SFMBT2: variants seen among roughly 807,000 people sequenced by gnomAD.
The protein encoded by SFMBT2 is scm-like with four MBT domains protein 2.
Under a neutral mutation model 110.1 loss-of-function variants are expected in SFMBT2, and 38 were observed. The ratio of observed to expected loss-of-function variants is 0.35; its 90% CI spans 0.27 to 0.45. The LOEUF (loss-of-function observed/expected upper bound fraction) is 0.45. Among genes scored for constraint, SFMBT2 ranks in the 20% least tolerant of loss-of-function variants. SFMBT2 has a pLI of 1.00. For synonymous variants in SFMBT2, 425 were observed against 425.4 expected, an observed-to-expected ratio of 1.00 and a Z score of 0.01; for missense variants, 1,011 against 1,094.9, an observed-to-expected ratio of 0.92 and a Z score of 1.08.
intron 9 of SFMBT2, among the ~76,000 whole-genome samples, chr10:7,239,228 T>C (rs1339418044): frequency 1.3e-5 from 2 of 152,254 alleles, no homozygotes; most frequent in East Asian, 1.9e-4. Flanking sequence ...GCAGCATCCA[T>C]GTTCTTAACA....
intron 16 of SFMBT2, among the ~76,000 whole-genome samples, chr10:7,181,870 C>T (rs1448316521): frequency 1.3e-5 from 2 of 152,172 alleles, no homozygotes; most frequent in East Asian, 1.9e-4. Flanking sequence ...AGTTTACCAA[C>T]TGGCTGGGAA....
At position 7,163,363 on chromosome 10, in the gene SFMBT2, C is replaced by T. The variant is rs1386257655; in HGVS notation, c.*407G>A. On this transcript the variant is annotated 3_prime_UTR_variant, in exon 21 of 21. Transcript: ENST00000397167. This position sits in a 1 kb window ranked among gnomAD's most constrained non-coding sequence, Gnocchi z 4.8. ...GGGAAACTGCATATATAAATGTGCT[C>T]GTGTGATTACAGGAAACACTACAGC... The T allele has an allele frequency of 3.0e-5, 5 of 167,234 alleles. No homozygotes were observed. The highest frequency in any genetic ancestry group is 3.6e-4 in the East Asian group (2 of 5,484). The allele number at this position is 167,234 out of a possible 1,614,324, so 10.4% of individuals were successfully genotyped here. A position where few individuals can be genotyped will look rare whatever the true frequency, so the allele number is the denominator to read the frequency against.
chr10:7,372,613 G>T (rs142724166), intron 2 of SFMBT2, among the ~76,000 whole-genome samples: 212 of 152,324 alleles, frequency 1.4e-3, no homozygotes, highest in African/African-American at 5.0e-3. Flanking sequence ...CAGACACAGC[G>T]AAGTGAACTA....
In SFMBT2 at chr10:7,171,635, CTGA is replaced by C. The variant is rs1837874058; in HGVS notation, c.2415+257_2415+259del. The C allele has an allele frequency of 1.1e-6, 1 of 934,036 alleles. No individual in the cohort carries two copies. The highest frequency in any genetic ancestry group is 1.8e-5 in the African/African-American group (1 of 56,170). 57.9% of individuals were successfully genotyped at this position (934,036 alleles called of 1,614,324 possible). A position where few individuals can be genotyped will look rare whatever the true frequency, so the allele number is the denominator to read the frequency against. On this transcript the variant is annotated intron_variant, in intron 19 of 20. Coordinates refer to ENST00000397167, the MANE Select transcript of SFMBT2 (RefSeq NM_001387889.1). This position sits in a 1 kb window ranked among gnomAD's most constrained non-coding sequence, Gnocchi z 4.9. ...GGAAACTGAGGACTGTGCCCTCCTC[CTGA>C]CAAGAACCCAGGTGGCACTAAAGCC...
At chr10:7,342,485 T>C (rs11595521) in intron 4 of SFMBT2, among the ~76,000 whole-genome samples, 6,590 of 135,880 alleles carry the variant, frequency 0.048, 196 homozygotes, top group Non-Finnish European at 0.073. Flanking sequence ...CTCGGCTCAC[T>C]GCAAACTCCG....
At chr10:7,403,196 A>G (rs1846126222) in intron 1 of SFMBT2, among the ~76,000 whole-genome samples, 1 of 152,168 alleles carries the variant, frequency 6.6e-6, no homozygotes, top group African/African-American at 2.4e-5. Flanking sequence ...AAAGAGAACA[A>G]TCTAGTCTTA....
chr10:7,237,989 C>T (rs1840309886), intron 9 of SFMBT2, among the ~76,000 whole-genome samples: 1 of 152,132 alleles, frequency 6.6e-6, no homozygotes, highest in South Asian at 2.1e-4. Flanking sequence ...CTGGGACAGA[C>T]TGAGTGGGGA....
chr10:7,171,771 C>T lies in SFMBT2; in HGVS notation c.2415+124G>A, dbSNP rs775719369. 7.2e-6 allele frequency: 8 copies of T among 1,115,356 alleles called. No individual in the cohort carries two copies. Among genetic ancestry groups the T allele is most frequent in the Non-Finnish European group, 9.4e-6 (8 of 853,272 alleles). The allele number at this position is 1,115,356 out of a possible 1,614,324, so 69.1% of individuals were successfully genotyped here. A position where few individuals can be genotyped will look rare whatever the true frequency, so the allele number is the denominator to read the frequency against. ...CCTTTGTTCCTGACTTGGGAACTAGCTAGAGCAGCTGCTGCTGTTGGAGGT... is the reference window on the plus strand; with the variant it reads ...CCTTTGTTCCTGACTTGGGAACTAGTTAGAGCAGCTGCTGCTGTTGGAGGT... On this transcript the variant is annotated intron_variant, in intron 19 of 20. Coordinates refer to ENST00000397167, the MANE Select transcript of SFMBT2 (RefSeq NM_001387889.1). The surrounding 1 kb of genome is among the most constrained non-coding windows in gnomAD (Gnocchi z 4.9).
At chr10:7,294,788 T>C (rs1170535331) in intron 4 of SFMBT2, among the ~76,000 whole-genome samples, 1 of 152,198 alleles carries the variant, frequency 6.6e-6, no homozygotes, top group Non-Finnish European at 1.5e-5. Context: ...GGGAGCATTT[T>C]ATATAATCAG....
chr10:7,218,727 C>G (rs1366869705), intron 11 of SFMBT2, among the ~76,000 whole-genome samples: 1 of 152,192 alleles, frequency 6.6e-6, no homozygotes, highest in African/African-American at 2.4e-5. Context: ...GAAGAAAATA[C>G]TGCCCAAAAT....
intron 16 of SFMBT2, among the ~76,000 whole-genome samples, chr10:7,186,208 G>T (rs1022232342): frequency 6.6e-6 from 1 of 151,808 alleles, no homozygotes; most frequent in Non-Finnish European, 1.5e-5. Context: ...TCAAGTAAAT[G>T]GGTCTTTACT....
intron 4 of SFMBT2, among the ~76,000 whole-genome samples, chr10:7,354,815 G>A (rs1415125785): frequency 2.0e-5 from 3 of 152,130 alleles, no homozygotes; most frequent in Non-Finnish European, 4.4e-5. Flanking sequence ...CAAAAAGTCT[G>A]GAAAAGCACT....
chr10:7,244,575 C>G (rs936701275), intron 8 of SFMBT2, among the ~76,000 whole-genome samples: 6 of 152,024 alleles, frequency 3.9e-5, no homozygotes, highest in Non-Finnish European at 8.8e-5. Context: ...CAAGACATGC[C>G]GATAAACAAA....
chr10:7,300,664 T>C (rs979803434), intron 4 of SFMBT2, among the ~76,000 whole-genome samples: 4 of 152,234 alleles, frequency 2.6e-5, no homozygotes, highest in Non-Finnish European at 4.4e-5. Flanking sequence ...TCTGTGAGGA[T>C]GGAAAAGCAT....
rs1554798776 is a variant in SFMBT2 at position 7,287,718 on chromosome 10, G to GTGCA, written c.437-1765_437-1764insTGCA. 2.7e-3 allele frequency among the ~76,000 whole-genome samples: 413 copies of GTGCA among 152,318 alleles called. 2 individuals carry two copies. The highest frequency in any genetic ancestry group is 9.5e-3 in the African/African-American group (394 of 41,560). On this transcript the variant is annotated intron_variant, in intron 4 of 20. Coordinates refer to ENST00000397167, the MANE Select transcript of SFMBT2 (RefSeq NM_001387889.1). Reference sequence around the variant, plus strand: ...CCCAAGTAGTTTGTGCATTGTTTAGGTTCTTCAAAGGCTTGATGCAACCCT... The same window carrying GTGCA: ...CCCAAGTAGTTTGTGCATTGTTTAGGTGCATTCTTCAAAGGCTTGATGCAACCCT...
At chr10:7,368,631 AT>A (rs1295268628) in intron 3 of SFMBT2, among the ~76,000 whole-genome samples, 1 of 152,210 alleles carries the variant, frequency 6.6e-6, no homozygotes, top group African/African-American at 2.4e-5. Flanking sequence ...AGGTGGAAGG[AT>A]TGACTGAATC....
rs143697595 is a variant in SFMBT2, at chr10:7,324,843, G to A, written c.437-38889C>T. ...TTGTGTGCTCAGGCAGAGAAGGGAG[G>A]CGGAGGGAGAGTGCATAAGCTCTCA... On this transcript the variant is annotated intron_variant, in intron 4 of 20. Transcript: ENST00000397167. 2.3e-3 allele frequency among the ~76,000 whole-genome samples: 350 copies of A among 152,274 alleles called. 8 individuals carry two copies. The East Asian group carries it at 0.058, about 25-fold the overall frequency.
At chr10:7,375,903 G>A (rs1002394818) in intron 2 of SFMBT2, among the ~76,000 whole-genome samples, 4 of 152,018 alleles carry the variant, frequency 2.6e-5, no homozygotes, top group African/African-American at 9.7e-5. Flanking sequence ...TGAAGAGTGA[G>A]GCCTGAATTT....
chr10:7,191,313 C>A (rs1338472983), intron 15 of SFMBT2, among the ~76,000 whole-genome samples: 1 of 152,216 alleles, frequency 6.6e-6, no homozygotes, highest in Non-Finnish European at 1.5e-5. Flanking sequence ...ACTGTCTTAT[C>A]CAGATGCCTG....
Sources: gnomAD v4.1 joint callset for allele counts (sites outside exome capture counted in the v4.1 genomes callset) on GRCh38, gnomAD v4.1.1 for gene constraint, Gnocchi (gnomAD v3.1) non-coding constraint, MANE v1.5 for transcripts, NCBI Gene and HGNC (gene_info 2026-07-23, HGNC 2026-07-21) for gene names.